Variants in ADGRB2 observed in about 807,000 individuals in gnomAD.
ADGRB2 encodes the protein brain-specific angiogenesis inhibitor 2.
In ADGRB2, 47 loss-of-function variants were observed where a neutral mutation model predicts 178.7. That is an observed-to-expected ratio of 0.26 (90% confidence interval 0.21 to 0.34). The LOEUF (loss-of-function observed/expected upper bound fraction) is 0.34. Ranked by LOEUF, ADGRB2 falls within the 10% of genes least tolerant of loss-of-function variation. ADGRB2 has a pLI of 1.00. For missense variants in ADGRB2, 1,584 were observed against 2,180.8 expected (o/e 0.73, Z 5.45); for synonymous variants, 870 against 912.4 (o/e 0.95, Z 0.84).
At position 31,758,229 on chromosome 1, in the gene ADGRB2, T is replaced by C. The variant is rs1646930836; in HGVS notation, c.-190-718A>G. The stretch of plus-strand genomic sequence containing the variant: ...CTGGTCCTCATCAGAGGAGAAAAGA[T>C]GGGGCTAGGAAAAGGGAGACAACCC... On this transcript the variant is annotated intron_variant, in intron 1 of 32. Transcript: ENST00000373658. This position sits in a 1 kb window ranked among gnomAD's most constrained non-coding sequence, Gnocchi z 4.2. 6.6e-6 allele frequency among the ~76,000 whole-genome samples: 1 copy of C among 152,112 alleles called. No homozygotes were observed. The highest frequency in any genetic ancestry group is 1.5e-5 in the Non-Finnish European group (1 of 68,012).
At chr1:31,742,005 C>T (rs1163986488) in intron 8 of ADGRB2, 38 bp from the exon 9 acceptor site, 2 of 1,582,852 alleles carry the variant, frequency 1.3e-6, no homozygotes, top group East Asian at 2.3e-5. Context: ...GGCCCAGGTA[C>T]CCCCATGGTC....
chr1:31,757,103 G>A, intron 3 of ADGRB2, 98 bp downstream of exon 3: 1 of 1,588,568 alleles, frequency 6.3e-7, no homozygotes, highest in South Asian at 1.1e-5. Context: ...GAGCCCTGAA[G>A]AAACAGTAGT....
At position 31,744,106 on chromosome 1, in the gene ADGRB2, A is replaced by G; in HGVS notation, c.1087+87T>C. On this transcript the variant is annotated intron_variant, in intron 6 of 32. Coordinates refer to ENST00000373658, the MANE Select transcript of ADGRB2 (RefSeq NM_001364857.2). The surrounding 1 kb of genome is among the most constrained non-coding windows in gnomAD (Gnocchi z 6.7). ...ATTTGTTGAATGAAAGGAGGAGGCA[A>G]CCAACCATTTTGGAGATTAATCTGC... 1 of 1,426,930 alleles carries G rather than the reference A, an allele frequency of 7.0e-7. No homozygotes were observed. Among genetic ancestry groups the G allele is most frequent in the South Asian group, 1.5e-5 (1 of 66,524 alleles). The allele number at this position is 1,426,930 out of a possible 1,614,324, so 88.4% of individuals were successfully genotyped here. A position where few individuals can be genotyped will look rare whatever the true frequency, so the allele number is the denominator to read the frequency against.
In ADGRB2 at chr1:31,731,043, C is replaced by A; in HGVS notation, c.4137G>T (p.Glu1379Asp). Residue 1379 changes from glutamate to aspartate, a missense_variant, in exon 29 of 33, where the codon GAG becomes GAT. This residue lies in a region of ADGRB2 where 865 missense variants were observed against 1,192.8 expected (regional missense o/e 0.73). Coordinates refer to ENST00000373658, the MANE Select transcript of ADGRB2 (RefSeq NM_001364857.2). ...GGEDAPRARP[E>D]GTPRRAAKTV... ...TCTTGGCAGCTCGCCGGGGGGTCCC[C>A]TCCGGCCGGGCCCTGGGGGCATCCT... The A allele has an allele frequency of 6.3e-7, 1 of 1,587,222 alleles. No individual in the cohort carries two copies.
chr1:31,735,031 G>A lies in ADGRB2; in HGVS notation c.3452+152C>T, dbSNP rs1186827538. ...CTCATCGCCTTGGCCACCTCTTGCC[G>A]AGCCCTTGAGAGTGTGTGGTGGCTG... On this transcript the variant is annotated intron_variant, in intron 25 of 32. Coordinates refer to ENST00000373658, the MANE Select transcript of ADGRB2 (RefSeq NM_001364857.2). This position sits in a 1 kb window ranked among gnomAD's most constrained non-coding sequence, Gnocchi z 6.0. 2.4e-5 allele frequency: 18 copies of A among 752,174 alleles called. No individual in the cohort carries two copies. The highest frequency in any genetic ancestry group is 1.1e-4 in the African/African-American group (6 of 56,678). The allele number at this position is 752,174 out of a possible 1,614,324, so 46.6% of individuals were successfully genotyped here.
intron 4 of ADGRB2, among the ~76,000 whole-genome samples, chr1:31,747,286 TC>T (rs916681390): frequency 6.6e-6 from 1 of 152,008 alleles, no homozygotes; most frequent in Non-Finnish European, 1.5e-5. Flanking sequence ...CTGCACGTGC[TC>T]CCCACCAGGC....
rs1236670239 is a variant in ADGRB2, at chr1:31,756,989, T to C, written c.22-174A>G. The stretch of plus-strand genomic sequence containing the variant: ...GGACTTGACCTCTCTGAGCCTCAGT[T>C]TCCTTACCTGTAAAATGGACCAATG... On this transcript the variant is annotated intron_variant, in intron 3 of 32. Coordinates refer to ENST00000373658, the MANE Select transcript of ADGRB2 (RefSeq NM_001364857.2). This position sits in a 1 kb window ranked among gnomAD's most constrained non-coding sequence, Gnocchi z 8.5. Among the ~76,000 whole-genome samples, 2 of 152,196 alleles carry C rather than the reference T, an allele frequency of 1.3e-5. No individual in the cohort carries two copies. Among genetic ancestry groups the C allele is most frequent in the Non-Finnish European group, 2.9e-5 (2 of 68,016 alleles).
chr1:31,737,209 A>G lies in ADGRB2; in HGVS notation c.2979+220T>C, dbSNP rs115913599. Among the ~76,000 whole-genome samples the G allele has an allele frequency of 7.8e-3, 1,186 of 152,192 alleles. 12 individuals are homozygous for G. The highest frequency in any genetic ancestry group is 0.035 in the East Asian group (179 of 5,160). The stretch of plus-strand genomic sequence containing the variant: ...CACCCAGCGCTCAGCTCACACACAC[A>G]TTTACTGATGTTCACAGAAGTTCCT... On this transcript the variant is annotated intron_variant, in intron 20 of 32. Coordinates refer to ENST00000373658, the MANE Select transcript of ADGRB2 (RefSeq NM_001364857.2).
Position 31,735,130 on chromosome 1 carries a change from C to G in ADGRB2, c.3452+53G>C, listed in dbSNP as rs1226321493. On this transcript the variant is annotated intron_variant, in intron 25 of 32. Coordinates refer to ENST00000373658, the MANE Select transcript of ADGRB2 (RefSeq NM_001364857.2). This position sits in a 1 kb window ranked among gnomAD's most constrained non-coding sequence, Gnocchi z 6.0. Reference sequence around the variant, plus strand: ...TCCCCCCACCATGGGCACTGCCCCCCCCAATTCCTTTGCCCCACCCACCCC... The same window carrying G: ...TCCCCCCACCATGGGCACTGCCCCCGCCAATTCCTTTGCCCCACCCACCCC... The G allele has an allele frequency of 1.7e-6, 2 of 1,178,114 alleles. No homozygotes were observed. Among genetic ancestry groups the G allele is most frequent in the South Asian group, 3.5e-5 (2 of 57,426 alleles). The allele number at this position is 1,178,114 out of a possible 1,614,324, so 73.0% of individuals were successfully genotyped here.
rs773011864 is a variant in ADGRB2, at chr1:31,740,466, C to T, written c.1870G>A (p.Glu624Lys). The T allele has an allele frequency of 6.2e-7, 1 of 1,613,602 alleles. No individual in the cohort carries two copies. The change falls in exon 12 of 33, where the codon GAG (glutamate) becomes AAG (lysine). Residue 624 changes from glutamate to lysine, a missense_variant. Transcript: ENST00000373658. The surrounding 1 kb of genome is among the most constrained non-coding windows in gnomAD (Gnocchi z 5.9). Reference protein sequence around the residue: ...GMSQVVRSLQELLARRTYYSG... With the variant: ...GMSQVVRSLQKLLARRTYYSG... Reference sequence around the variant, plus strand: ...TAGTAGGTGCGCCGGGCCAGTAGCTCCTGCAGGCTGCGCACCACCTGCGAC... The same window carrying T: ...TAGTAGGTGCGCCGGGCCAGTAGCTTCTGCAGGCTGCGCACCACCTGCGAC...
At position 31,741,242 on chromosome 1, in the gene ADGRB2, G is replaced by A. The variant is rs1645947342; in HGVS notation, c.1794+131C>T. 4.4e-6 allele frequency: 4 copies of A among 905,048 alleles called. No homozygotes were observed. The Admixed American group carries it at 9.7e-5, about 22-fold the overall frequency. The allele number at this position is 905,048 out of a possible 1,614,324, so 56.1% of individuals were successfully genotyped here. On this transcript the variant is annotated intron_variant, in intron 11 of 32. Transcript: ENST00000373658. This position sits in a 1 kb window ranked among gnomAD's most constrained non-coding sequence, Gnocchi z 6.5. The stretch of plus-strand genomic sequence containing the variant: ...GTAGGAGCTTGCCAGACAAGGAGAG[G>A]CACAGCCAGGCAGAAGTGGGCACAG...
At position 31,733,279 on chromosome 1, in the gene ADGRB2, T is replaced by A. The variant is rs1433157063; in HGVS notation, c.3453-136A>T. 1.5e-5 allele frequency: 14 copies of A among 924,588 alleles called. No individual in the cohort carries two copies. In the Admixed American group the frequency reaches 3.3e-4, roughly 22 times the overall value. The allele number at this position is 924,588 out of a possible 1,614,324, so 57.3% of individuals were successfully genotyped here. On this transcript the variant is annotated intron_variant, in intron 25 of 32. Transcript: ENST00000373658. This position sits in a 1 kb window ranked among gnomAD's most constrained non-coding sequence, Gnocchi z 4.3. ...CCCAAACCCCAGGGCCTCAGTAATGTCCCCAAGCAGAGAGGGGCTGAGGAG... is the reference window on the plus strand; with the variant it reads ...CCCAAACCCCAGGGCCTCAGTAATGACCCCAAGCAGAGAGGGGCTGAGGAG...
chr1:31,739,120 G>A (rs1557754520), intron 15 of ADGRB2, 183 bp from the exon 16 acceptor site: 3 of 860,092 alleles, frequency 3.5e-6, no homozygotes, highest in Non-Finnish European at 3.5e-6. Flanking sequence ...CCGCTGGGTG[G>A]CAGCCCAGCC....
chr1:31,734,966 G>A (rs561441676), intron 25 of ADGRB2, among the ~76,000 whole-genome samples: 5 of 152,300 alleles, frequency 3.3e-5, no homozygotes, highest in South Asian at 2.1e-4. Context: ...AAGGGTGGGC[G>A]AAGGAACCGG....
In ADGRB2 at chr1:31,742,227, G is replaced by A. The variant is rs764587892; in HGVS notation, c.1253-10C>T. On this transcript the variant is annotated splice_polypyrimidine_tract_variant and intron_variant, in intron 7 of 32. Transcript: ENST00000373658. ...AACCACTGGCCTTCCACTGCATGGG[G>A]AGACACAAGCAGGGGTGGCTGTTGA... is the stretch of plus-strand genomic sequence containing the variant. 3.1e-6 allele frequency: 5 copies of A among 1,588,416 alleles called. No homozygotes were observed. The South Asian group carries it at 5.7e-5, about 18-fold the overall frequency.
At chr1:31,750,118 A>G (rs1646489814) in intron 4 of ADGRB2, among the ~76,000 whole-genome samples, 1 of 152,174 alleles carries the variant, frequency 6.6e-6, no homozygotes, top group African/African-American at 2.4e-5. Flanking sequence ...TGCCAAAATC[A>G]TCTACATGTC....
Position 31,742,999 on chromosome 1 carries a change from T to G in ADGRB2, c.1091A>C (p.His364Pro). Residue 364 changes from histidine (H) to proline (P), a missense_variant, in exon 7 of 33, where the codon CAC becomes CCC. Coordinates refer to ENST00000373658, the MANE Select transcript of ADGRB2 (RefSeq NM_001364857.2). ...PCNNSATCPV[H>P]GVWEEWGSWS... ...GGACCCCCACTCCTCCCACACGCCG[T>G]GCACTGCAAGGAAGCACGTGGCCGG... 1 of 1,497,306 alleles carries G rather than the reference T, an allele frequency of 6.7e-7. No individual in the cohort carries two copies. The highest frequency in any genetic ancestry group is 1.3e-5 in the South Asian group (1 of 78,802). The allele number at this position is 1,497,306 out of a possible 1,614,324, so 92.8% of individuals were successfully genotyped here. A position where few individuals can be genotyped will look rare whatever the true frequency, so the allele number is the denominator to read the frequency against.
chr1:31,749,452 C>T (rs1646446659), intron 4 of ADGRB2, among the ~76,000 whole-genome samples: 1 of 152,210 alleles, frequency 6.6e-6, no homozygotes, highest in South Asian at 2.1e-4. Context: ...GGTTTGATTC[C>T]CAGCTCTGCC....
In ADGRB2 at chr1:31,741,309, C is replaced by T; in HGVS notation, c.1794+64G>A. On this transcript the variant is annotated intron_variant, in intron 11 of 32. Transcript: ENST00000373658. This position sits in a 1 kb window ranked among gnomAD's most constrained non-coding sequence, Gnocchi z 6.5. ...TGGGAACGAGCGAGAATCACGCTCC[C>T]TCCACCCCCTAGCAGAGTCTGAGAC... 2 of 1,486,894 alleles carry T rather than the reference C, an allele frequency of 1.3e-6. No homozygotes were observed. The highest frequency in any genetic ancestry group is 1.8e-6 in the Non-Finnish European group (2 of 1,089,666). The allele number at this position is 1,486,894 out of a possible 1,614,324, so 92.1% of individuals were successfully genotyped here. A position where few individuals can be genotyped will look rare whatever the true frequency, so the allele number is the denominator to read the frequency against.
Sources: gnomAD v4.1 joint callset for allele counts (sites outside exome capture counted in the v4.1 genomes callset) on GRCh38, gnomAD v4.1.1 for gene constraint, gnomAD v4.1.1 regional missense constraint, Gnocchi (gnomAD v3.1) non-coding constraint, MANE v1.5 for transcripts, NCBI Gene and HGNC (gene_info 2026-07-23, HGNC 2026-07-21) for gene names.